The following NUP160 variants were observed in gnomAD, a reference collection of about 807,000 sequenced individuals.
NUP160 encodes nucleoporin 160, also known as nuclear pore complex protein Nup160.
A neutral mutation model predicts 196.9 loss-of-function variants in NUP160; 94 were observed. The observed-to-expected ratio is 0.48, with a 90% CI of 0.40 to 0.57. NUP160 has a LOEUF of 0.57. Ranked by LOEUF, NUP160 falls within the 20% of genes least tolerant of loss-of-function variation. The pLI is 0.00. For synonymous variants in NUP160, 605 were observed against 619.7 expected, an observed-to-expected ratio of 0.98 and a Z score of 0.35; for missense variants, 1,638 against 1,748.3, an observed-to-expected ratio of 0.94 and a Z score of 1.13.
chr11:47,806,663 G>A (rs1408566885), intron 19 of NUP160: 3 of 246,316 alleles, frequency 1.2e-5, no homozygotes. Flanking sequence ...CAGAATAATG[G>A]TTTTCAAACA....
chr11:47,840,276 A>G, intron 3 of NUP160, 102 bp downstream of exon 3: 1 of 1,058,272 alleles, frequency 9.4e-7, no homozygotes. Context: ...GGATAACGAG[A>G]ATCCAAATTT....
At chr11:47,837,474 C>T in intron 5 of NUP160, 71 bp downstream of exon 5, 1 of 1,167,864 alleles carries the variant, frequency 8.6e-7, no homozygotes, top group Non-Finnish European at 1.3e-6. Flanking sequence ...AGACTGGAAA[C>T]AATAACTGCC....
At chr11:47,826,924 C>T (rs1257615032) in intron 7 of NUP160, 15 of 415,222 alleles carry the variant, frequency 3.6e-5, no homozygotes, top group Non-Finnish European at 6.7e-5. Context: ...ATATTTGCAT[C>T]AATGATGCAA....
intron 7 of NUP160, among the ~76,000 whole-genome samples, chr11:47,833,610 G>A (rs1206990186): frequency 6.6e-6 from 1 of 152,178 alleles, no homozygotes; most frequent in Non-Finnish European, 1.5e-5. Context: ...AGCTTCTCAA[G>A]GCTCTTCTGA....
chr11:47,815,739 T>C, intron 12 of NUP160, 90 bp from the exon 13 acceptor site: 4 of 1,152,616 alleles, frequency 3.5e-6, no homozygotes, highest in Non-Finnish European at 5.0e-6. Context: ...ATCATTATAC[T>C]AAGCTACAGC....
At chr11:47,801,506 C>A (rs537759487) in intron 23 of NUP160, among the ~76,000 whole-genome samples, 15 of 152,166 alleles carry the variant, frequency 9.9e-5, no homozygotes, top group Admixed American at 9.2e-4. Flanking sequence ...CCCGCCACCA[C>A]GCCAGGCTAA....
chr11:47,833,237 T>C (rs1383554391), intron 7 of NUP160, among the ~76,000 whole-genome samples: 2 of 152,130 alleles, frequency 1.3e-5, no homozygotes, highest in East Asian at 1.9e-4. Flanking sequence ...GTGGATCACC[T>C]GAGGTCAGGA....
Position 47,789,431 on chromosome 11 carries a change from A to G in NUP160, c.3512-820T>C, listed in dbSNP as rs1342974869. 2.0e-5 allele frequency among the ~76,000 whole-genome samples: 3 copies of G among 152,344 alleles called. No individual in the cohort carries two copies. The South Asian group carries it at 6.2e-4, about 32-fold the overall frequency. On this transcript the variant is annotated intron_variant, in intron 29 of 35. Transcript: ENST00000378460. ...TCCAAATCTAGAGCCTCGGCTCTTT[A>G]TGGAAGGATATCATGCCTCTGTGGA...
intron 4 of NUP160, among the ~76,000 whole-genome samples, chr11:47,838,722 A>C (rs996147475): frequency 6.7e-6 from 1 of 149,878 alleles, no homozygotes; most frequent in Non-Finnish European, 1.5e-5. Context: ...GAAAGAAAGA[A>C]AGGCCAGGTG....
At chr11:47,839,358 T>C (rs1852249620) in intron 4 of NUP160, 1 of 155,226 alleles carries the variant, frequency 6.4e-6, no homozygotes, top group Non-Finnish European at 1.4e-5. Flanking sequence ...CCCACAGTGC[T>C]GGGATTATAG....
At chr11:47,788,427 T>G in intron 30 of NUP160, 74 bp downstream of exon 30, 1 of 1,529,950 alleles carries the variant, frequency 6.5e-7, no homozygotes, top group African/African-American at 1.4e-5. Context: ...TCTACCATGC[T>G]ACATACACTG....
chr11:47,815,844 A>G (rs2097684126), intron 12 of NUP160, 102 bp downstream of exon 12: 2 of 1,044,826 alleles, frequency 1.9e-6, no homozygotes, highest in Admixed American at 4.6e-5. Context: ...ATGTTCCAAC[A>G]AACAAGGTCA....
intron 22 of NUP160, among the ~76,000 whole-genome samples, chr11:47,802,482 A>G (rs1341436081): frequency 1.3e-5 from 2 of 152,078 alleles, no homozygotes; most frequent in African/African-American, 4.8e-5. Context: ...TGACACATAC[A>G]TACATAATAA....
chr11:47,793,739 T>G (rs1348031116), intron 27 of NUP160, among the ~76,000 whole-genome samples: 6 of 138,886 alleles, frequency 4.3e-5, no homozygotes, highest in East Asian at 4.2e-4. Context: ...TTTTTTTTTT[T>G]TTTTTTTTTT....
In NUP160 at chr11:47,812,580, T is replaced by C. The variant is rs753787175; in HGVS notation, c.1953-151A>G. ...GCATATAAGATACAGTCCCTATGCA[T>C]AGCAAATTTCCTCTCAGTTTTTCAT... is the stretch of plus-strand genomic sequence containing the variant. On this transcript the variant is annotated intron_variant, in intron 15 of 35. Transcript: ENST00000378460. 53 of 776,428 alleles carry C rather than the reference T, an allele frequency of 6.8e-5. No individual in the cohort carries two copies. The Middle Eastern group carries it at 1.1e-3, about 17-fold the overall frequency. 48.1% of individuals were successfully genotyped at this position (776,428 alleles called of 1,614,324 possible).
intron 13 of NUP160, 122 bp downstream of exon 13, chr11:47,815,357 G>C: frequency 9.6e-6 from 6 of 625,956 alleles, no homozygotes; most frequent in Non-Finnish European, 1.5e-5. Flanking sequence ...AATGCTAACC[G>C]CAACATTCAC....
chr11:47,848,341 C>A, exon 1 of NUP160: 1 of 1,613,668 alleles, frequency 6.2e-7, no homozygotes, highest in Non-Finnish European at 8.5e-7. Flanking sequence ...GCCGCGACGC[C>A]CAACGGAACA....
At chr11:47,820,365 T>G (rs1225135047) in intron 9 of NUP160, 8 of 152,262 alleles carry the variant, frequency 5.3e-5, no homozygotes, top group Non-Finnish European at 1.2e-4. Flanking sequence ...TTAAAAAATA[T>G]TAGATACCAA....
intron 13 of NUP160, among the ~76,000 whole-genome samples, chr11:47,814,507 C>T (rs546476251): frequency 4.7e-5 from 7 of 150,184 alleles, no homozygotes; most frequent in Non-Finnish European, 8.8e-5. Context: ...CACCACTGGA[C>T]TCTAGCCTGG....
Sources: gnomAD v4.1 joint callset for allele counts (sites outside exome capture counted in the v4.1 genomes callset) on GRCh38, gnomAD v4.1.1 for gene constraint, MANE v1.5 for transcripts, NCBI Gene and HGNC (gene_info 2026-07-23, HGNC 2026-07-21) for gene names.